The following BCR variants were observed in gnomAD, a reference collection of about 807,000 sequenced individuals.
BCR encodes the protein breakpoint cluster region protein.
Under a neutral mutation model 138.6 loss-of-function variants are expected in BCR, and 58 were observed. That is an observed-to-expected ratio of 0.42 (90% CI 0.34 to 0.52). The LOEUF (loss-of-function observed/expected upper bound fraction) is 0.52, where lower values mean the gene tolerates loss of function less well. BCR is among the 20% of genes least tolerant of loss of function. BCR has a pLI of 0.06. For synonymous variants in BCR, 786 were observed against 730.1 expected (o/e 1.08, Z -1.23); for missense variants, 1,599 against 1,727.2 (o/e 0.93, Z 1.32).
At chr22:23,266,367 G>A (rs1304142494) in intron 4 of BCR, among the ~76,000 whole-genome samples, 1 of 151,174 alleles carries the variant, frequency 6.6e-6, no homozygotes, top group Non-Finnish European at 1.5e-5. Flanking sequence ...GGGATTATAG[G>A]CATGAGCCAC....
intron 1 of BCR, among the ~76,000 whole-genome samples, chr22:23,193,320 A>G (rs1450619063): frequency 6.6e-6 from 1 of 152,278 alleles, no homozygotes; most frequent in Non-Finnish European, 1.5e-5. Flanking sequence ...GGTCTTGCAC[A>G]GGGACTTAAT....
intron 15 of BCR, 151 bp from the exon 16 acceptor site, chr22:23,294,873 A>T (rs992887070): frequency 1.0e-6 from 1 of 985,786 alleles, no homozygotes; most frequent in Non-Finnish European, 1.5e-6. Context: ...GAATACTTCC[A>T]TGTGTCCCAG....
chr22:23,283,474 C>T lies in BCR; in HGVS notation c.2116-503C>T, dbSNP rs563268856. ...TACTGCCACATCTGTACCTCGGGCA[C>T]CAATCTCTCCCCACCACAGGGGCCT... On this transcript the variant is annotated intron_variant, in intron 8 of 22. Transcript: ENST00000305877. 1.9e-5 allele frequency: 3 copies of T among 155,762 alleles called. No homozygotes were observed. The South Asian group carries it at 5.8e-4, about 30-fold the overall frequency. 9.6% of individuals were successfully genotyped at this position (155,762 alleles called of 1,614,324 possible).
intron 1 of BCR, 45 bp from the exon 2 acceptor site, chr22:23,253,754 C>A: frequency 6.4e-7 from 1 of 1,570,064 alleles, no homozygotes; most frequent in Non-Finnish European, 8.7e-7. Flanking sequence ...AGTATGGATG[C>A]TCCCTTCTCT....
intron 1 of BCR, among the ~76,000 whole-genome samples, chr22:23,221,973 TC>T (rs112401502): frequency 0.033 from 5,060 of 152,078 alleles, 273 homozygotes; most frequent in African/African-American, 0.11. Flanking sequence ...CGCCTGTAAT[TC>T]CAGCTACTTG....
chr22:23,217,752 A>G (rs923667511), intron 1 of BCR, among the ~76,000 whole-genome samples: 4 of 152,242 alleles, frequency 2.6e-5, no homozygotes, highest in Admixed American at 2.0e-4. Context: ...TTGAAAATAA[A>G]TAGTGGAATA....
chr22:23,267,653 T>C (rs745609646), intron 4 of BCR, among the ~76,000 whole-genome samples: 7 of 152,044 alleles, frequency 4.6e-5, no homozygotes, highest in Non-Finnish European at 1.0e-4. Context: ...CAGGCCTAGG[T>C]TTGCTGATTT....
chr22:23,259,507 C>CA (rs200498083), intron 2 of BCR, among the ~76,000 whole-genome samples: 3,876 of 148,744 alleles, frequency 0.026, 158 homozygotes, highest in African/African-American at 0.085. Flanking sequence ...TTTCTATTAC[C>CA]AAAAAAAAAA....
intron 1 of BCR, among the ~76,000 whole-genome samples, chr22:23,210,356 G>A (rs2072666764): frequency 6.6e-6 from 1 of 151,800 alleles, no homozygotes; most frequent in Non-Finnish European, 1.5e-5. Flanking sequence ...GGTCGAGGTT[G>A]CGGTGAGCCA....
intron 1 of BCR, among the ~76,000 whole-genome samples, chr22:23,183,696 C>T (rs1312943338): frequency 6.6e-6 from 1 of 152,206 alleles, no homozygotes; most frequent in Non-Finnish European, 1.5e-5. Flanking sequence ...AACTGGCCCT[C>T]AGTGCCATGG....
In BCR at chr22:23,314,671, C is replaced by T. The variant is rs974406606; in HGVS notation, c.3683C>T (p.Pro1228Leu). The T allele has an allele frequency of 4.3e-6, 7 of 1,611,988 alleles. No homozygotes were observed. The highest frequency in any genetic ancestry group is 1.3e-5 in the African/African-American group (1 of 74,974). Residue 1228 changes from proline to leucine, a missense_variant, in exon 22 of 23, where the codon CCT (proline) becomes CTT (leucine). Coordinates refer to ENST00000305877, the MANE Select transcript of BCR (RefSeq NM_004327.4). ...ESKLPANPSQ[P>L]ITMTDSWSLE... The stretch of plus-strand genomic sequence containing the variant: ...AAGCTCCCTGCCAACCCCAGCCAGC[C>T]TATCACCATGACTGACAGCTGGTCC...
chr22:23,204,125 A>G (rs1017244432), intron 1 of BCR, among the ~76,000 whole-genome samples: 4 of 152,124 alleles, frequency 2.6e-5, no homozygotes, highest in African/African-American at 9.7e-5. Flanking sequence ...TTCAGCACTG[A>G]CTAGTCGTCC....
chr22:23,234,575 G>A (rs1380963676), intron 1 of BCR, among the ~76,000 whole-genome samples: 1 of 152,216 alleles, frequency 6.6e-6, no homozygotes, highest in Non-Finnish European at 1.5e-5. Context: ...GCCCAGGAGG[G>A]TGGTCAGGTT....
rs566506374 is a variant in BCR at position 23,268,371 on chromosome 22, G to A, written c.1753-37G>A. ...TCTTCAGAAAGATGGGGGAGCAGCAGCACCTGTCCCACTCTCTCTTCCTTC... is the reference window on the plus strand; with the variant it reads ...TCTTCAGAAAGATGGGGGAGCAGCAACACCTGTCCCACTCTCTCTTCCTTC... On this transcript the variant is annotated intron_variant, in intron 4 of 22. Coordinates refer to ENST00000305877, the MANE Select transcript of BCR (RefSeq NM_004327.4). 152 of 1,515,072 alleles carry A rather than the reference G, an allele frequency of 1.0e-4. 2 individuals carry two copies. In the South Asian group the frequency reaches 1.7e-3, roughly 16 times the overall value. The allele number at this position is 1,515,072 out of a possible 1,614,324, so 93.9% of individuals were successfully genotyped here.
intron 4 of BCR, chr22:23,264,771 A>G (rs1811017): frequency 0.36 from 56,243 of 156,578 alleles, 11,107 homozygotes; most frequent in African/African-American, 0.52. Context: ...GAGGCTGCCA[A>G]TAGCCCGCTA....
intron 22 of BCR, among the ~76,000 whole-genome samples, chr22:23,314,960 C>T (rs2074052340): frequency 6.6e-6 from 1 of 152,240 alleles, no homozygotes; most frequent in African/African-American, 2.4e-5. Context: ...TGTGGTGGCT[C>T]ATGCCTGTAA....
At chr22:23,223,681 C>T (rs2072855758) in intron 1 of BCR, among the ~76,000 whole-genome samples, 1 of 152,148 alleles carries the variant, frequency 6.6e-6, no homozygotes, top group Non-Finnish European at 1.5e-5. Context: ...TGACCTTCTC[C>T]ACTCCAGTTG....
chr22:23,227,932 G>A (rs1348005663), intron 1 of BCR, among the ~76,000 whole-genome samples: 3 of 152,184 alleles, frequency 2.0e-5, no homozygotes, highest in African/African-American at 4.8e-5. Flanking sequence ...TTAGGGGTAT[G>A]GGGGTCAGGG....
intron 16 of BCR, chr22:23,306,844 A>G (rs1292795657): frequency 6.6e-6 from 1 of 152,568 alleles, no homozygotes; most frequent in African/African-American, 2.4e-5. Flanking sequence ...CTTCCACCCC[A>G]GCCGGGCGGG....
Sources: gnomAD v4.1 joint callset for allele counts (sites outside exome capture counted in the v4.1 genomes callset) on GRCh38, gnomAD v4.1.1 for gene constraint, MANE v1.5 for transcripts, NCBI Gene and HGNC (gene_info 2026-07-23, HGNC 2026-07-21) for gene names.